Variants in PPARA observed in about 807,000 individuals in gnomAD.
PPARA encodes the protein peroxisome proliferator activated receptor alpha, also known as peroxisome proliferator-activated receptor alpha.
In PPARA, 22 loss-of-function variants were observed where a neutral mutation model predicts 42.2. That is an observed-to-expected ratio of 0.52 (90% CI 0.37 to 0.74). The LOEUF (loss-of-function observed/expected upper bound fraction) is 0.74, where lower values mean the gene tolerates loss of function less well. Ranked by LOEUF, PPARA falls within the 30% of genes least tolerant of loss-of-function variation. The pLI is 0.00. For synonymous variants in PPARA, 242 were observed against 239.3 expected (o/e 1.01, Z -0.10); for missense variants, 465 against 608.2 (o/e 0.76, Z 2.48).
Position 46,219,708 on chromosome 22 carries a change from A to C in PPARA, c.509-104A>C, listed in dbSNP as rs1374281676. On this transcript the variant is annotated intron_variant, in intron 6 of 8. Coordinates refer to ENST00000407236, the MANE Select transcript of PPARA (RefSeq NM_005036.6). The surrounding 1 kb of genome is among the most constrained non-coding windows in gnomAD (Gnocchi z 4.8). Reference sequence around the variant, plus strand: ...AAGGATGGGTCTGAACTGCCTGTGAATTTTCATTCCTGGTTTAAAGTCCTG... The same window carrying C: ...AAGGATGGGTCTGAACTGCCTGTGACTTTTCATTCCTGGTTTAAAGTCCTG... 8.4e-7 allele frequency: 1 copy of C among 1,185,958 alleles called. No individual in the cohort carries two copies. The highest frequency in any genetic ancestry group is 1.2e-6 in the Non-Finnish European group (1 of 803,772). 73.5% of individuals were successfully genotyped at this position (1,185,958 alleles called of 1,614,324 possible).
chr22:46,163,121 G>A lies in PPARA; in HGVS notation c.-127+11151G>A, dbSNP rs981882997. ...GCGGGGACAGAGGGTCACGGAGGTC[G>A]CAGGGGCGTGTGTGCAGCACCTGCC... On this transcript the variant is annotated intron_variant, in intron 2 of 8. Transcript: ENST00000407236. The surrounding 1 kb of genome is among the most constrained non-coding windows in gnomAD (Gnocchi z 4.9). 2.6e-5 allele frequency among the ~76,000 whole-genome samples: 4 copies of A among 152,206 alleles called. No individual in the cohort carries two copies. The highest frequency in any genetic ancestry group is 9.6e-5 in the African/African-American group (4 of 41,452).
In PPARA at chr22:46,230,960, A is replaced by G. The variant is rs1935824567; in HGVS notation, c.712-832A>G. Among the ~76,000 whole-genome samples, 1 of 152,230 alleles carries G rather than the reference A, an allele frequency of 6.6e-6. No homozygotes were observed. The highest frequency in any genetic ancestry group is 2.4e-5 in the African/African-American group (1 of 41,462). On this transcript the variant is annotated intron_variant, in intron 7 of 8. Coordinates refer to ENST00000407236, the MANE Select transcript of PPARA (RefSeq NM_005036.6). The surrounding 1 kb of genome is among the most constrained non-coding windows in gnomAD (Gnocchi z 5.0). ...AATTAAGCCTCTTGCAATAGTCATT[A>G]GTTCAGAGAATATTTAAGAATATTA...
chr22:46,208,917 CGT>C (rs59328365), intron 4 of PPARA, among the ~76,000 whole-genome samples: 5,897 of 148,630 alleles, frequency 0.04, 381 homozygotes, highest in African/African-American at 0.14. Context: ...TGTGTGTGTG[CGT>C]GTGTGTGTGT....
chr22:46,174,212 G>A (rs1363443207), intron 2 of PPARA, among the ~76,000 whole-genome samples: 2 of 108,708 alleles, frequency 1.8e-5, no homozygotes, highest in African/African-American at 9.1e-5. Context: ...GAGAGAGAGA[G>A]AGAGAGGGAG....
rs1365078022 is a variant in PPARA at position 46,212,912 on chromosome 22, C to T, written c.209-2261C>T. 6.6e-6 allele frequency among the ~76,000 whole-genome samples: 1 copy of T among 152,178 alleles called. No individual in the cohort carries two copies. Among genetic ancestry groups the T allele is most frequent in the Admixed American group, 6.5e-5 (1 of 15,282 alleles). On this transcript the variant is annotated intron_variant, in intron 4 of 8. Coordinates refer to ENST00000407236, the MANE Select transcript of PPARA (RefSeq NM_005036.6). The surrounding 1 kb of genome is among the most constrained non-coding windows in gnomAD (Gnocchi z 4.2). ...TTGGAAGGCTGAGGCAGGAGAATCA[C>T]TTGAACCTGGAGGCAGAGGTTGCAG...
intron 2 of PPARA, among the ~76,000 whole-genome samples, chr22:46,166,150 G>A (rs573837436): frequency 2.6e-5 from 4 of 152,318 alleles, no homozygotes; most frequent in African/African-American, 9.6e-5. Flanking sequence ...ACAAATCACA[G>A]TATAGATAAC....
chr22:46,196,290 C>T lies in PPARA; in HGVS notation c.-42-2052C>T, dbSNP rs1932225877. Among the ~76,000 whole-genome samples, 1 of 152,198 alleles carries T rather than the reference C, an allele frequency of 6.6e-6. No individual in the cohort carries two copies. The highest frequency in any genetic ancestry group is 1.5e-5 in the Non-Finnish European group (1 of 68,038). ...ATAGCCTACCATTGTCTGGGACTCA[C>T]CCAGTTAGATTTGTTTGGACTCCAC... On this transcript the variant is annotated intron_variant, in intron 3 of 8. Coordinates refer to ENST00000407236, the MANE Select transcript of PPARA (RefSeq NM_005036.6). The surrounding 1 kb of genome is among the most constrained non-coding windows in gnomAD (Gnocchi z 5.6).
Position 46,232,034 on chromosome 22 carries a change from C to T in PPARA, c.954C>T (p.Phe318=), listed in dbSNP as rs763603755. The T allele has an allele frequency of 5.0e-6, 8 of 1,614,192 alleles. No homozygotes were observed. In the Admixed American group the frequency reaches 6.7e-5, roughly 13 times the overall value. Residue 318 remains phenylalanine (F), a synonymous_variant, in exon 8 of 9, where the codon TTC becomes TTT. Transcript: ENST00000407236. The surrounding 1 kb of genome is among the most constrained non-coding windows in gnomAD (Gnocchi z 5.3). The stretch of plus-strand genomic sequence containing the variant: ...AATACGGAGTTTATGAGGCCATATT[C>T]GCCATGCTGTCTTCTGTGATGAACA... The part of the protein sequence containing the change: ...LLKYGVYEAI[F]AMLSSVMNKD...
intron 2 of PPARA, among the ~76,000 whole-genome samples, chr22:46,170,579 T>C (rs1235523488): frequency 1.3e-5 from 2 of 151,408 alleles, no homozygotes; most frequent in East Asian, 3.9e-4. Flanking sequence ...CAGGGAACAA[T>C]GTTCAGAATT....
chr22:46,177,038 G>A lies in PPARA; in HGVS notation c.-43+202G>A, dbSNP rs541220183. ...ATCCTGGCTAACACAGTGAAACCCT[G>A]TCTCTACTACAAATACAAAAAAATT... On this transcript the variant is annotated intron_variant, in intron 3 of 8. Coordinates refer to ENST00000407236, the MANE Select transcript of PPARA (RefSeq NM_005036.6). Among the ~76,000 whole-genome samples, 18 of 152,160 alleles carry A rather than the reference G, an allele frequency of 1.2e-4. 1 individual carries two copies. The highest frequency in any genetic ancestry group is 1.2e-3 in the East Asian group (6 of 5,168).
At chr22:46,199,963 T>G (rs1404069062) in intron 4 of PPARA, among the ~76,000 whole-genome samples, 1 of 152,190 alleles carries the variant, frequency 6.6e-6, no homozygotes, top group Non-Finnish European at 1.5e-5. Flanking sequence ...CGTCAGGTGG[T>G]CCGCCTGCCT....
Position 46,183,928 on chromosome 22 carries a change from T to C in PPARA, c.-43+7092T>C, listed in dbSNP as rs949421020. ...GCCTGAGGTCAAACCCCGGTCCCGG[T>C]GGTTCTGTGCCCCAGCGCATGTTGT... On this transcript the variant is annotated intron_variant, in intron 3 of 8. Coordinates refer to ENST00000407236, the MANE Select transcript of PPARA (RefSeq NM_005036.6). The surrounding 1 kb of genome is among the most constrained non-coding windows in gnomAD (Gnocchi z 5.5). 6.6e-6 allele frequency among the ~76,000 whole-genome samples: 1 copy of C among 152,122 alleles called. No homozygotes were observed. Among genetic ancestry groups the C allele is most frequent in the African/African-American group, 2.4e-5 (1 of 41,426 alleles).
Position 46,227,561 on chromosome 22 carries a change from T to C in PPARA, c.712-4231T>C, listed in dbSNP as rs981206710. On this transcript the variant is annotated intron_variant, in intron 7 of 8. Transcript: ENST00000407236. This position sits in a 1 kb window ranked among gnomAD's most constrained non-coding sequence, Gnocchi z 4.3. The stretch of plus-strand genomic sequence containing the variant: ...GCTACTGCGCCTGGTCCACATTTAA[T>C]TTTTTGCAAAAAGATGACAGCTGCT... 1.5e-4 allele frequency among the ~76,000 whole-genome samples: 23 copies of C among 152,178 alleles called. No individual in the cohort carries two copies. Among genetic ancestry groups the C allele is most frequent in the African/African-American group, 5.5e-4 (23 of 41,448 alleles).
rs558161499 is a variant in PPARA at position 46,201,030 on chromosome 22, A to G, written c.208+2439A>G. On this transcript the variant is annotated intron_variant, in intron 4 of 8. Transcript: ENST00000407236. ...GGAGTTAAAGACCAGCCTGGTCAAC[A>G]TGGTGAAACCCCATCTCTACTGAAA... 4.6e-5 allele frequency among the ~76,000 whole-genome samples: 7 copies of G among 152,034 alleles called. No individual in the cohort carries two copies. In the South Asian group the frequency reaches 1.2e-3, roughly 27 times the overall value.
intron 4 of PPARA, 66 bp from the exon 5 acceptor site, chr22:46,215,107 A>T: frequency 6.3e-7 from 1 of 1,576,604 alleles, no homozygotes; most frequent in South Asian, 1.1e-5. Flanking sequence ...ACATCCTCAT[A>T]GACCCGGTTC....
chr22:46,207,677 A>ATTATTATTATTT (rs1555951376), intron 4 of PPARA, among the ~76,000 whole-genome samples: 1 of 50,722 alleles, frequency 2.0e-5, no homozygotes, highest in Admixed American at 3.6e-4. Context: ...TATTATTATT[A>ATTATTATTATTT]TTTTTTTTTT....
At chr22:46,220,313 G>A in intron 7 of PPARA, 1 of 405,230 alleles carries the variant, frequency 2.5e-6, no homozygotes. Context: ...TGATTTCTTA[G>A]GAGCATTTTT....
chr22:46,191,968 G>A lies in PPARA; in HGVS notation c.-42-6374G>A, dbSNP rs1931625244. On this transcript the variant is annotated intron_variant, in intron 3 of 8. Coordinates refer to ENST00000407236, the MANE Select transcript of PPARA (RefSeq NM_005036.6). The surrounding 1 kb of genome is among the most constrained non-coding windows in gnomAD (Gnocchi z 4.6). ...TAGTCCCAGCTACTCAGGAGGCTGA[G>A]GCAGGAGAATCACTTGAACCCGTGA... Among the ~76,000 whole-genome samples, 3 of 152,242 alleles carry A rather than the reference G, an allele frequency of 2.0e-5. No homozygotes were observed. Among genetic ancestry groups the A allele is most frequent in the South Asian group, 4.1e-4 (2 of 4,830 alleles).
At chr22:46,205,525 T>C (rs937372783) in intron 4 of PPARA, among the ~76,000 whole-genome samples, 3 of 27,740 alleles carry the variant, frequency 1.1e-4, no homozygotes, top group Non-Finnish European at 2.0e-4. Context: ...CAGCCATATA[T>C]ATATATATAT....
Sources: allele counts gnomAD v4.1 joint callset (sites outside exome capture counted in the v4.1 genomes callset), GRCh38; gene constraint gnomAD v4.1.1; non-coding constraint Gnocchi (gnomAD v3.1); transcripts MANE v1.5; gene names NCBI Gene and HGNC (gene_info 2026-07-23, HGNC 2026-07-21).